DCK: variants seen among roughly 807,000 people sequenced by gnomAD.
The protein encoded by DCK is deoxyadenosine kinase.
A neutral mutation model predicts 38.3 loss-of-function variants in DCK; 23 were observed. That is an observed-to-expected ratio of 0.60 (90% CI 0.43 to 0.85). The LOEUF (loss-of-function observed/expected upper bound fraction) is 0.85, where lower values mean the gene tolerates loss of function less well. Ranked by LOEUF, DCK falls within the 40% of genes least tolerant of loss-of-function variation. The probability of loss-of-function intolerance (pLI) is 0.00; values close to 1 mark genes in which losing one functional copy is unlikely to be tolerated. For missense variants in DCK, 259 were observed against 304.4 expected (o/e 0.85, Z 1.11); for synonymous variants, 108 against 100.6 (o/e 1.07, Z -0.44).
chr4:71,018,666 A>ATTTTTTTTTTTTTTTTTTTTTTTTTTTT (rs11315015), intron 2 of DCK, among the ~76,000 whole-genome samples: 1 of 83,322 alleles, frequency 1.2e-5, no homozygotes. Flanking sequence ...TATTTTTTAG[A>ATTTTTTTTTTTTTTTTTTTTTTTTTTTT]TTTTTTTTTT....
chr4:70,997,802 A>G (rs1412006519), intron 1 of DCK, among the ~76,000 whole-genome samples: 1 of 152,202 alleles, frequency 6.6e-6, no homozygotes, highest in Non-Finnish European at 1.5e-5. Context: ...CATTAGGAGT[A>G]TTACTTCTAG....
intron 2 of DCK, among the ~76,000 whole-genome samples, chr4:71,008,596 G>A (rs1194728334): frequency 2.6e-5 from 4 of 152,170 alleles, no homozygotes; most frequent in African/African-American, 4.8e-5. Context: ...TCAGCTGTCA[G>A]TGCAGTTATC....
chr4:71,014,492 A>G (rs1740200775), intron 2 of DCK, among the ~76,000 whole-genome samples: 1 of 152,244 alleles, frequency 6.6e-6, no homozygotes, highest in Non-Finnish European at 1.5e-5. Flanking sequence ...CATCGCACTT[A>G]TTCCAAAATT....
chr4:71,006,804 TAAAAG>T (rs1739954168), intron 2 of DCK, among the ~76,000 whole-genome samples: 2 of 151,558 alleles, frequency 1.3e-5, no homozygotes, highest in South Asian at 4.2e-4. Context: ...AGACCCTGTC[TAAAAG>T]AAAAAAAGAA....
chr4:71,015,308 A>G (rs535540361), intron 2 of DCK, among the ~76,000 whole-genome samples: 1 of 152,356 alleles, frequency 6.6e-6, no homozygotes, highest in South Asian at 2.1e-4. Context: ...GCCATCCAAA[A>G]AAAGTCCAGG....
At chr4:71,004,990 C>T (rs1426355154) in intron 2 of DCK, among the ~76,000 whole-genome samples, 1 of 151,760 alleles carries the variant, frequency 6.6e-6, no homozygotes, top group Non-Finnish European at 1.5e-5. Flanking sequence ...GGGGAGTGAA[C>T]GGTTCTGTCT....
intron 2 of DCK, chr4:71,006,305 C>A: frequency 1.0e-6 from 1 of 959,604 alleles, no homozygotes; most frequent in Non-Finnish European, 1.2e-6. Context: ...TTCTGCACTG[C>A]AAATGAGGAA....
At chr4:71,016,725 G>A (rs575793408) in intron 2 of DCK, among the ~76,000 whole-genome samples, 15 of 152,294 alleles carry the variant, frequency 9.8e-5, no homozygotes, top group African/African-American at 2.9e-4. Flanking sequence ...AAAATGGCTA[G>A]CCATATGTAG....
At chr4:71,019,412 T>G (rs956216288) in intron 2 of DCK, among the ~76,000 whole-genome samples, 6 of 152,132 alleles carry the variant, frequency 3.9e-5, no homozygotes, top group African/African-American at 1.4e-4. Flanking sequence ...AAATATAAAA[T>G]TTATCATCTG....
At chr4:70,998,671 C>T (rs550987447) in intron 2 of DCK, among the ~76,000 whole-genome samples, 65 of 152,210 alleles carry the variant, frequency 4.3e-4, no homozygotes, top group African/African-American at 1.5e-3. Context: ...CGCTTGTAAT[C>T]CCAGCACTTT....
intron 2 of DCK, among the ~76,000 whole-genome samples, chr4:71,018,930 C>G (rs1740341394): frequency 6.6e-6 from 1 of 152,046 alleles, no homozygotes; most frequent in Non-Finnish European, 1.5e-5. Flanking sequence ...CCTCGGACTC[C>G]CAAAGTGCTG....
rs185476128 is a variant in DCK, at chr4:71,018,374, C to T, written c.208-3993C>T. Among the ~76,000 whole-genome samples, 746 of 152,108 alleles carry T rather than the reference C, an allele frequency of 4.9e-3. 11 individuals carry two copies. Among genetic ancestry groups the T allele is most frequent in the African/African-American group, 0.017 (716 of 41,494 alleles). ...CGATCTCCTGACCTTGTGATCCACC[C>T]GCCTTGGCCTCCCAAAGTGCTAGGA... is the stretch of plus-strand genomic sequence containing the variant. On this transcript the variant is annotated intron_variant, in intron 2 of 6. Transcript: ENST00000286648.
intron 2 of DCK, among the ~76,000 whole-genome samples, chr4:71,014,875 G>C (rs1453764754): frequency 6.6e-6 from 1 of 152,146 alleles, no homozygotes; most frequent in Non-Finnish European, 1.5e-5. Flanking sequence ...AGAAGCAAGA[G>C]TAAACACATT....
chr4:71,018,247 C>CT (rs1165050014), intron 2 of DCK, among the ~76,000 whole-genome samples: 1 of 151,736 alleles, frequency 6.6e-6, no homozygotes. Flanking sequence ...GTGCCTCAGC[C>CT]TCCCGAGTAG....
At chr4:71,027,904 T>C (rs781551931) in intron 6 of DCK, among the ~76,000 whole-genome samples, 2 of 152,252 alleles carry the variant, frequency 1.3e-5, no homozygotes, top group African/African-American at 2.4e-5. Flanking sequence ...TTGTTTTGAC[T>C]AAGAATCATT....
At chr4:71,017,672 C>T (rs746424970) in intron 2 of DCK, among the ~76,000 whole-genome samples, 19 of 150,720 alleles carry the variant, frequency 1.3e-4, no homozygotes, top group Non-Finnish European at 2.4e-4. Flanking sequence ...AGCAAACTGT[C>T]GCAGGGAAAA....
At chr4:71,003,571 C>T (rs1053598651) in intron 2 of DCK, among the ~76,000 whole-genome samples, 1 of 152,166 alleles carries the variant, frequency 6.6e-6, no homozygotes, top group African/African-American at 2.4e-5. Flanking sequence ...TGGTTCCATT[C>T]GTCAGTTTCA....
intron 6 of DCK, chr4:71,028,730 T>A (rs1477937000): frequency 2.6e-6 from 1 of 387,336 alleles, no homozygotes; most frequent in Non-Finnish European, 5.0e-6. Context: ...GTAGGTGGGA[T>A]TACAAGTGCA....
chr4:71,005,632 A>G (rs1254516949), intron 2 of DCK, among the ~76,000 whole-genome samples: 10 of 149,332 alleles, frequency 6.7e-5, no homozygotes, highest in Non-Finnish European at 1.5e-4. Context: ...TCAGCCTCCC[A>G]AGTAGCTGGG....
Sources: gnomAD v4.1 joint callset for allele counts (sites outside exome capture counted in the v4.1 genomes callset) on GRCh38, gnomAD v4.1.1 for gene constraint, MANE v1.5 for transcripts, NCBI Gene and HGNC (gene_info 2026-07-23, HGNC 2026-07-21) for gene names.